Variants in SRGAP2C observed in about 807,000 individuals in gnomAD.
SRGAP2C encodes SLIT-ROBO Rho GTPase activating protein 2C.
In SRGAP2C, 15 loss-of-function variants were observed where a neutral mutation model predicts 25.1. That is an observed-to-expected ratio of 0.60 (90% CI 0.40 to 0.92). The LOEUF (loss-of-function observed/expected upper bound fraction) is 0.92, where lower values mean the gene tolerates loss of function less well. Among genes scored for constraint, SRGAP2C ranks in the 40% least tolerant of loss-of-function variants. The probability of loss-of-function intolerance (pLI) is 0.00; values close to 1 mark genes in which losing one functional copy is unlikely to be tolerated. For missense variants in SRGAP2C, 144 were observed against 264.4 expected, an observed-to-expected ratio of 0.54 and a Z score of 3.16; for synonymous variants, 44 against 96.6, an observed-to-expected ratio of 0.46 and a Z score of 3.19.
At chr1:121,359,615 A>C (rs1553348154) in intron 4 of SRGAP2C, among the ~76,000 whole-genome samples, 8 of 152,216 alleles carry the variant, frequency 5.3e-5, no homozygotes, top group African/African-American at 1.9e-4. Context: ...CAAAAATTAC[A>C]AAAATTAACC....
intron 2 of SRGAP2C, among the ~76,000 whole-genome samples, chr1:121,271,192 T>A (rs1385575117): frequency 1.3e-5 from 2 of 150,036 alleles, no homozygotes; most frequent in Middle Eastern, 3.4e-3. Context: ...ACTAAATATA[T>A]AACAACATTG....
intron 2 of SRGAP2C, among the ~76,000 whole-genome samples, chr1:121,198,893 AG>A (rs1280989386): frequency 4.6e-5 from 7 of 151,896 alleles, no homozygotes; most frequent in African/African-American, 1.7e-4. Context: ...GGAGGCAGAA[AG>A]CTTGGGTTCT....
chr1:121,223,072 G>T (rs1481687137), intron 2 of SRGAP2C, among the ~76,000 whole-genome samples: 1 of 152,070 alleles, frequency 6.6e-6, no homozygotes, highest in Non-Finnish European at 1.5e-5. Flanking sequence ...TTCCGAAGCA[G>T]TATGGTGCTT....
At position 121,226,192 on chromosome 1, in the gene SRGAP2C, AG is replaced by A. The variant is rs879968736; in HGVS notation, c.67+38680del. On this transcript the variant is annotated intron_variant, in intron 2 of 9. Coordinates refer to ENST00000367123, the MANE Select transcript of SRGAP2C (RefSeq NM_001329984.2). Reference sequence around the variant, plus strand: ...TGTTTCTTTTTTACTCAGAACACCAAGCCCATTCAGCCACCTCAAAAGAGGT... The same window carrying A: ...TGTTTCTTTTTTACTCAGAACACCAACCCATTCAGCCACCTCAAAAGAGGT... Among the ~76,000 whole-genome samples the A allele has an allele frequency of 9.4e-4, 117 of 124,740 alleles. 3 individuals carry two copies. Among genetic ancestry groups the A allele is most frequent in the Non-Finnish European group, 6.4e-4 (38 of 59,336 alleles). The allele number at this position is 124,740 out of a possible 152,430, so 81.8% of individuals were successfully genotyped here.
chr1:121,192,377 A>G (rs1654710796), intron 2 of SRGAP2C, among the ~76,000 whole-genome samples: 1 of 152,178 alleles, frequency 6.6e-6, no homozygotes, highest in East Asian at 1.9e-4. Flanking sequence ...GCTCAGGGGA[A>G]AAAACAACAA....
At chr1:121,206,295 CT>C (rs1465157616) in intron 2 of SRGAP2C, among the ~76,000 whole-genome samples, 2 of 152,150 alleles carry the variant, frequency 1.3e-5, no homozygotes, top group Non-Finnish European at 2.9e-5. Flanking sequence ...CATTCCCAGC[CT>C]CCTGCACCAT....
At chr1:121,367,210 AG>A (rs1553349677) in intron 5 of SRGAP2C, among the ~76,000 whole-genome samples, 1 of 151,900 alleles carries the variant, frequency 6.6e-6, no homozygotes, top group Non-Finnish European at 1.5e-5. Flanking sequence ...AATCTGTTAA[AG>A]GCCAAAATTA....
intron 3 of SRGAP2C, among the ~76,000 whole-genome samples, chr1:121,298,483 A>G (rs1430442890): frequency 1.0e-5 from 1 of 97,066 alleles, no homozygotes; most frequent in Non-Finnish European, 2.0e-5. Context: ...AGTCATGAAC[A>G]TAACAGTATG....
At chr1:121,283,785 C>A (rs1657302589) in intron 2 of SRGAP2C, among the ~76,000 whole-genome samples, 1 of 151,772 alleles carries the variant, frequency 6.6e-6, no homozygotes, top group Non-Finnish European at 1.5e-5. Context: ...CAAGCCTTCT[C>A]TGAGCTGAAA....
intron 2 of SRGAP2C, among the ~76,000 whole-genome samples, chr1:121,208,135 A>G (rs1655161678): frequency 2.0e-5 from 3 of 152,228 alleles, no homozygotes; most frequent in African/African-American, 2.4e-5. Flanking sequence ...CAAATTACAT[A>G]ACCCAAACAA....
At chr1:121,222,118 C>G (rs1460598131) in intron 2 of SRGAP2C, among the ~76,000 whole-genome samples, 2 of 151,926 alleles carry the variant, frequency 1.3e-5, no homozygotes, top group Non-Finnish European at 2.9e-5. Flanking sequence ...CTATCCCATA[C>G]CACCTTAGTG....
chr1:121,329,931 C>T (rs1327413400), intron 4 of SRGAP2C, among the ~76,000 whole-genome samples: 1 of 151,534 alleles, frequency 6.6e-6, no homozygotes, highest in Non-Finnish European at 1.5e-5. Context: ...TCTGTCTAAC[C>T]TCTGTTGGAA....
intron 3 of SRGAP2C, among the ~76,000 whole-genome samples, chr1:121,313,907 G>A (rs1352301014): frequency 1.4e-5 from 2 of 138,986 alleles, no homozygotes; most frequent in South Asian, 2.4e-4. Flanking sequence ...ATGTGTCTTC[G>A]AGTTGCTCTT....
intron 3 of SRGAP2C, among the ~76,000 whole-genome samples, chr1:121,309,566 C>A: frequency 6.6e-6 from 1 of 151,862 alleles, no homozygotes; most frequent in East Asian, 1.9e-4. Context: ...AATGCTATCC[C>A]TCCCCACTCC....
At chr1:121,249,574 ATATATATTTTTTT>A (rs1189777203) in intron 2 of SRGAP2C, among the ~76,000 whole-genome samples, 94 of 20,516 alleles carry the variant, frequency 4.6e-3, no homozygotes, top group Middle Eastern at 0.022. Context: ...ATATATATAT[ATATATATTTTTTT>A]TTTTTTTTTT....
intron 2 of SRGAP2C, among the ~76,000 whole-genome samples, chr1:121,280,251 T>G (rs1657210849): frequency 6.7e-6 from 1 of 149,160 alleles, no homozygotes; most frequent in Admixed American, 6.7e-5. Context: ...GCTGCAATTT[T>G]TATTCAAGTG....
At chr1:121,348,564 A>G (rs1485185962) in intron 4 of SRGAP2C, among the ~76,000 whole-genome samples, 2 of 151,532 alleles carry the variant, frequency 1.3e-5, no homozygotes, top group Non-Finnish European at 1.5e-5. Flanking sequence ...GATGAATTTA[A>G]AAACTGATAC....
intron 2 of SRGAP2C, among the ~76,000 whole-genome samples, chr1:121,218,718 G>A (rs1461821786): frequency 1.3e-5 from 2 of 151,756 alleles, no homozygotes; most frequent in African/African-American, 4.9e-5. Flanking sequence ...CTGCACTCCA[G>A]TCTGGGCGAC....
chr1:121,323,615 C>CAAA (rs1163708332), intron 3 of SRGAP2C, among the ~76,000 whole-genome samples: 4 of 28,164 alleles, frequency 1.4e-4, no homozygotes, highest in African/African-American at 6.7e-4. Flanking sequence ...GACTTTGTCT[C>CAAA]AAAAAAAAAA....
Sources: gnomAD v4.1 joint callset for allele counts (sites outside exome capture counted in the v4.1 genomes callset) on GRCh38, gnomAD v4.1.1 for gene constraint, MANE v1.5 for transcripts, NCBI Gene and HGNC (gene_info 2026-07-23, HGNC 2026-07-21) for gene names.